Variants in TMEM131L observed in about 807,000 individuals in gnomAD.
The protein encoded by TMEM131L is transmembrane 131 like.
TMEM131L carries 54 observed loss-of-function variants against 192.2 expected under a neutral mutation model. That is an observed-to-expected ratio of 0.28 (90% confidence interval 0.23 to 0.35). TMEM131L has a LOEUF of 0.35. TMEM131L is among the 10% of genes least tolerant of loss of function. TMEM131L has a pLI of 1.00. For missense variants in TMEM131L, 1,888 were observed against 1,972.9 expected (o/e 0.96, Z 0.82); for synonymous variants, 701 against 704.9 (o/e 0.99, Z 0.09).
intron 2 of TMEM131L, among the ~76,000 whole-genome samples, chr4:153,467,938 A>G (rs540977436): frequency 1.3e-5 from 2 of 152,338 alleles, no homozygotes; most frequent in African/African-American, 4.8e-5. Flanking sequence ...AGAAATTCCC[A>G]TTGACTGTGA....
chr4:153,515,656 G>A (rs964709931), intron 3 of TMEM131L, among the ~76,000 whole-genome samples: 1 of 152,174 alleles, frequency 6.6e-6, no homozygotes, highest in Non-Finnish European at 1.5e-5. Context: ...CTGCCAAATT[G>A]TTTTCCAAAG....
chr4:153,559,942 C>T (rs1728737310), intron 7 of TMEM131L, among the ~76,000 whole-genome samples: 1 of 152,078 alleles, frequency 6.6e-6, no homozygotes, highest in African/African-American at 2.4e-5. Context: ...GAGCCTTCCC[C>T]CGCTCACTTG....
At chr4:153,559,874 G>A (rs1225038641) in intron 7 of TMEM131L, among the ~76,000 whole-genome samples, 1 of 152,034 alleles carries the variant, frequency 6.6e-6, no homozygotes, top group Non-Finnish European at 1.5e-5. Context: ...TGTGGCTGCT[G>A]TCTCTCTTCA....
chr4:153,606,464 TG>T (rs1732246366), intron 25 of TMEM131L, among the ~76,000 whole-genome samples: 1 of 152,190 alleles, frequency 6.6e-6, no homozygotes, highest in Admixed American at 6.5e-5. Context: ...TATAAAGGCA[TG>T]GATGAGAAAT....
chr4:153,626,427 A>G (rs563569500), intron 30 of TMEM131L, among the ~76,000 whole-genome samples: 2 of 151,996 alleles, frequency 1.3e-5, no homozygotes, highest in East Asian at 1.9e-4. Context: ...AGGTATCGCT[A>G]TTTTTTTTCA....
At position 153,604,177 on chromosome 4, in the gene TMEM131L, T is replaced by G. The variant is rs781629334; in HGVS notation, c.3165T>G (p.Asn1055Lys). The change falls in exon 25 of 35, where the codon AAT (asparagine) becomes AAG (lysine). Residue 1055 changes from asparagine (N) to lysine (K), a missense_variant. By Grantham distance (94) the Asn-to-Lys change is moderately conservative. Transcript: ENST00000409959. ...KNLTLPKNLL[N>K]KEENTLKNTI... ...TAACCCTTCCCAAAAACTTACTGAA[T>G]AAAGAAGAAAACACACTGAAAAACA... The G allele has an allele frequency of 1.1e-5, 18 of 1,614,084 alleles. No individual in the cohort carries two copies. The East Asian group carries it at 3.6e-4, about 32-fold the overall frequency.
intron 14 of TMEM131L, 82 bp downstream of exon 14, chr4:153,586,461 T>C (rs1578805439): frequency 1.1e-5 from 11 of 1,016,690 alleles, no homozygotes; most frequent in Non-Finnish European, 1.5e-5. Context: ...TTGAGTTTTA[T>C]TAACTGGGTT....
intron 3 of TMEM131L, among the ~76,000 whole-genome samples, chr4:153,508,982 A>C (rs1159320808): frequency 2.6e-5 from 4 of 152,126 alleles, no homozygotes; most frequent in Non-Finnish European, 5.9e-5. Flanking sequence ...AAGTAAGTTA[A>C]ACAAATGGTA....
At chr4:153,572,305 C>T (rs987065403) in intron 7 of TMEM131L, among the ~76,000 whole-genome samples, 11 of 151,522 alleles carry the variant, frequency 7.3e-5, no homozygotes, top group Non-Finnish European at 1.6e-4. Flanking sequence ...GTTGGTTACC[C>T]AGCAAGGTTT....
intron 25 of TMEM131L, among the ~76,000 whole-genome samples, chr4:153,607,974 A>G (rs1156783792): frequency 1.3e-5 from 2 of 152,154 alleles, no homozygotes; most frequent in Admixed American, 1.3e-4. Flanking sequence ...GTAGCCAGGC[A>G]TGGTGGTACA....
At chr4:153,489,434 G>A (rs1732607943) in intron 3 of TMEM131L, among the ~76,000 whole-genome samples, 3 of 152,168 alleles carry the variant, frequency 2.0e-5, no homozygotes, top group South Asian at 2.1e-4. Flanking sequence ...GTAGGAGCAC[G>A]TCCAAGGAAA....
At chr4:153,570,885 T>A (rs28593262) in intron 7 of TMEM131L, among the ~76,000 whole-genome samples, 1,784 of 152,288 alleles carry the variant, frequency 0.012, 36 homozygotes, top group African/African-American at 0.04. Flanking sequence ...GAAGTGTGAG[T>A]CCATCAGGGC....
At chr4:153,499,894 C>T (rs1293897769) in intron 3 of TMEM131L, among the ~76,000 whole-genome samples, 1 of 152,202 alleles carries the variant, frequency 6.6e-6, no homozygotes, top group Admixed American at 6.5e-5. Flanking sequence ...CCGTCAGATC[C>T]CAGTCTCACA....
In TMEM131L at chr4:153,555,242, C is replaced by T. The variant is rs9995740; in HGVS notation, c.309-545C>T. Among the ~76,000 whole-genome samples, 66,789 of 152,012 alleles carry T rather than the reference C, an allele frequency of 0.44. 18,729 individuals carry two copies. Among genetic ancestry groups the T allele is most frequent in the African/African-American group, 0.8 (33,082 of 41,460 alleles). On this transcript the variant is annotated intron_variant, in intron 4 of 34. Coordinates refer to ENST00000409959, the MANE Select transcript of TMEM131L (RefSeq NM_001131007.2). This position sits in a 1 kb window ranked among gnomAD's most constrained non-coding sequence, Gnocchi z 4.1. ...TAATAAAATAACATCTCTTTGTGAG[C>T]TGAAAATACATACCTCCCCAAAAAG... is the stretch of plus-strand genomic sequence containing the variant.
intron 4 of TMEM131L, among the ~76,000 whole-genome samples, chr4:153,552,658 C>T (rs544446941): frequency 6.6e-6 from 1 of 152,144 alleles, no homozygotes; most frequent in African/African-American, 2.4e-5. Context: ...CTGTGAGACC[C>T]TGTCTCCATA....
At chr4:153,492,744 CAG>C (rs1044726496) in intron 3 of TMEM131L, among the ~76,000 whole-genome samples, 3 of 146,688 alleles carry the variant, frequency 2.0e-5, no homozygotes, top group African/African-American at 7.3e-5. Context: ...TGTTTATGAG[CAG>C]AGTTTTAAAT....
At chr4:153,633,343 A>C (rs111973281) in intron 32 of TMEM131L, 6,561 of 152,402 alleles carry the variant, frequency 0.043, 389 homozygotes, top group African/African-American at 0.13. Flanking sequence ...CAGCCTCTCA[A>C]GTAACTGGGA....
chr4:153,524,581 G>A (rs146812100), intron 3 of TMEM131L, among the ~76,000 whole-genome samples: 215 of 152,302 alleles, frequency 1.4e-3, no homozygotes, highest in Admixed American at 6.7e-3. Flanking sequence ...AAGGGACTTT[G>A]TAAAGAAGAT....
chr4:153,532,373 A>G (rs1445634435), intron 3 of TMEM131L, among the ~76,000 whole-genome samples: 1 of 152,010 alleles, frequency 6.6e-6, no homozygotes, highest in Non-Finnish European at 1.5e-5. Context: ...CCTCTTTCCT[A>G]CATGGAATCC....
Sources: gnomAD v4.1 joint callset for allele counts (sites outside exome capture counted in the v4.1 genomes callset) on GRCh38, gnomAD v4.1.1 for gene constraint, Gnocchi (gnomAD v3.1) non-coding constraint, MANE v1.5 for transcripts, NCBI Gene and HGNC (gene_info 2026-07-23, HGNC 2026-07-21) for gene names.